The following STXBP3 variants were observed in gnomAD, a reference collection of about 807,000 sequenced individuals.
The protein encoded by STXBP3 is syntaxin binding protein 3, also known as syntaxin-binding protein 3.
A neutral mutation model predicts 85.7 loss-of-function variants in STXBP3; 41 were observed. The ratio of observed to expected loss-of-function variants is 0.48; its 90% confidence interval spans 0.37 to 0.62. STXBP3 has a LOEUF of 0.62. STXBP3 is among the 20% of genes least tolerant of loss of function. STXBP3 has a pLI of 0.00. For missense variants in STXBP3, 563 were observed against 703.1 expected, an observed-to-expected ratio of 0.80 and a Z score of 2.25; for synonymous variants, 229 against 231.7, an observed-to-expected ratio of 0.99 and a Z score of 0.10.
At chr1:108,781,939 G>A (rs1662721270) in intron 9 of STXBP3, 1 of 152,370 alleles carries the variant, frequency 6.6e-6, no homozygotes, top group East Asian at 1.9e-4. Context: ...TTGAACTCCT[G>A]ACCTCAAGTG....
rs762435455 is a variant in STXBP3, at chr1:108,772,623, C to T, written c.439-42C>T. ...ATATAAATATATATTTTTTTTAAAT[C>T]AGGTCTCCAGATTAACAGTGAGTTT... On this transcript the variant is annotated intron_variant, in intron 6 of 18. Coordinates refer to ENST00000370008, the MANE Select transcript of STXBP3 (RefSeq NM_007269.4). 5 of 1,271,706 alleles carry T rather than the reference C, an allele frequency of 3.9e-6. No individual in the cohort carries two copies. The African/African-American group carries it at 7.8e-5, about 20-fold the overall frequency. The allele number at this position is 1,271,706 out of a possible 1,614,324, so 78.8% of individuals were successfully genotyped here.
chr1:108,806,134 AAGCTAAAAATTTTTACCAGTGG>A (rs760052351), intron 17 of STXBP3, among the ~76,000 whole-genome samples: 3 of 151,300 alleles, frequency 2.0e-5, no homozygotes, highest in Non-Finnish European at 4.5e-5. Context: ...TTTCAAATAA[AAGCTAAAAATTTTTACCAGTGG>A]AGCTTGTGAA....
intron 11 of STXBP3, among the ~76,000 whole-genome samples, chr1:108,787,362 G>T (rs1662853581): frequency 6.6e-6 from 1 of 152,170 alleles, no homozygotes; most frequent in Non-Finnish European, 1.5e-5. Flanking sequence ...CCAAAGGAGA[G>T]AATACAGTCA....
In STXBP3 at chr1:108,782,713, G is replaced by A. The variant is rs974254933; in HGVS notation, c.963+7G>A. On this transcript the variant is annotated splice_region_variant and intron_variant, in intron 11 of 18. Transcript: ENST00000370008. ...GAAAGCAACAGAAGGAAAGGTAAGA[G>A]TCTTACTTAACTTTCAAAGTAATAG... is the stretch of plus-strand genomic sequence containing the variant. The A allele has an allele frequency of 6.9e-6, 11 of 1,591,078 alleles. No homozygotes were observed. Among genetic ancestry groups the A allele is most frequent in the Non-Finnish European group, 9.4e-6 (11 of 1,170,658 alleles).
chr1:108,758,595 C>CT lies in STXBP3; in HGVS notation c.337+11dup, dbSNP rs1662067397. The CT allele has an allele frequency of 4.8e-6, 7 of 1,454,014 alleles. No homozygotes were observed. The highest frequency in any genetic ancestry group is 6.5e-6 in the Non-Finnish European group (7 of 1,083,866). The allele number at this position is 1,454,014 out of a possible 1,614,324, so 90.1% of individuals were successfully genotyped here. On this transcript the variant is annotated splice_region_variant and intron_variant, in intron 5 of 18. Coordinates refer to ENST00000370008, the MANE Select transcript of STXBP3 (RefSeq NM_007269.4). Reference sequence around the variant, plus strand: ...TATATTTACTTCACTGACTGTAAGTCTTTTAAAAAGTTATTGCTTCATTGT... The same window carrying CT: ...TATATTTACTTCACTGACTGTAAGTCTTTTTAAAAAGTTATTGCTTCATTGT...
chr1:108,762,894 C>T (rs1371676913), intron 6 of STXBP3, among the ~76,000 whole-genome samples: 1 of 152,190 alleles, frequency 6.6e-6, no homozygotes, highest in Non-Finnish European at 1.5e-5. Flanking sequence ...CAAAATCCTC[C>T]AACTTAATTT....
chr1:108,792,099 C>A (rs1327299633), intron 11 of STXBP3, among the ~76,000 whole-genome samples: 1 of 152,184 alleles, frequency 6.6e-6, no homozygotes, highest in Non-Finnish European at 1.5e-5. Flanking sequence ...AAAATATTCA[C>A]CTTCTTCATA....
intron 11 of STXBP3, among the ~76,000 whole-genome samples, chr1:108,786,534 A>G (rs1238077514): frequency 6.6e-6 from 1 of 152,234 alleles, no homozygotes; most frequent in African/African-American, 2.4e-5. Context: ...AGCACTGTTT[A>G]TTGTAAAGAC....
At position 108,790,107 on chromosome 1, in the gene STXBP3, C is replaced by T. The variant is rs557732344; in HGVS notation, c.964-3475C>T. On this transcript the variant is annotated intron_variant, in intron 11 of 18. Transcript: ENST00000370008. The stretch of plus-strand genomic sequence containing the variant: ...TGTCAGTTAAATCAAGATGGTTAAT[C>T]ATGTTCAAATCTTCTATTTCTTTTC... Among the ~76,000 whole-genome samples, 5 of 151,612 alleles carry T rather than the reference C, an allele frequency of 3.3e-5. No homozygotes were observed. In the East Asian group the frequency reaches 5.8e-4, roughly 18 times the overall value.
Position 108,772,686 on chromosome 1 carries a change from G to C in STXBP3, c.460G>C (p.Asp154His). The change falls in exon 7 of 19, where the codon GAT becomes CAT. Residue 154 changes from aspartate to histidine, a missense_variant. Asp to His is a moderately conservative substitution (Grantham distance 81, BLOSUM62 -1). Around this residue, in one of 3 missense-constraint regions of STXBP3, gnomAD observed 494 missense variants for 592.8 expected, o/e 0.83. Transcript: ENST00000370008. ...ESQVYTLDVP[D>H]AFYYCYSPDP... The stretch of plus-strand genomic sequence containing the variant: ...TTAGGTGTATACTCTTGATGTACCA[G>C]ATGCATTCTATTACTGTTATAGTCC... The C allele has an allele frequency of 6.5e-7, 1 of 1,534,460 alleles. No individual in the cohort carries two copies. Among genetic ancestry groups the C allele is most frequent in the Non-Finnish European group, 8.8e-7 (1 of 1,136,208 alleles).
At chr1:108,788,682 T>C (rs1463850309) in intron 11 of STXBP3, among the ~76,000 whole-genome samples, 1 of 152,230 alleles carries the variant, frequency 6.6e-6, no homozygotes, top group African/African-American at 2.4e-5. Flanking sequence ...TGTCCTCTTA[T>C]CCTTTCAATA....
chr1:108,789,887 G>A (rs181291965), intron 11 of STXBP3, among the ~76,000 whole-genome samples: 5 of 149,978 alleles, frequency 3.3e-5, no homozygotes, highest in Admixed American at 2.0e-4. Flanking sequence ...CCAACATGGC[G>A]AAACCCCATC....
intron 17 of STXBP3, among the ~76,000 whole-genome samples, chr1:108,804,860 G>A (rs906847641): frequency 2.6e-5 from 4 of 152,152 alleles, no homozygotes; most frequent in Admixed American, 6.5e-5. Context: ...CCCAGGGCTC[G>A]GCCCCTTGTT....
intron 7 of STXBP3, 44 bp from the exon 8 acceptor site, chr1:108,776,289 C>A: frequency 7.5e-7 from 1 of 1,335,360 alleles, no homozygotes; most frequent in Non-Finnish European, 1.0e-6. Context: ...ATAAAGTATA[C>A]ACTGAAAGAA....
Position 108,756,766 on chromosome 1 carries a change from GGTGA to G in STXBP3, c.258+3_258+6del, listed in dbSNP as rs757054138. 7 of 1,584,350 alleles carry G rather than the reference GGTGA, an allele frequency of 4.4e-6. No homozygotes were observed. The highest frequency in any genetic ancestry group is 1.3e-5 in the African/African-American group (1 of 74,078). Reference sequence around the variant, plus strand: ...TTTATTTCATCACTCCGACATCAAAGGTGAGTATTTTGAGACCTTAAAAAGCAGG... The same window carrying G: ...TTTATTTCATCACTCCGACATCAAAGGTATTTTGAGACCTTAAAAAGCAGG... On this transcript the variant is annotated splice_donor_variant and splice_donor_region_variant and intron_variant, in intron 4 of 18. Transcript: ENST00000370008. LOFTEE classifies it high-confidence loss of function.
At chr1:108,751,609 CAT>C (rs1438672200) in intron 1 of STXBP3, among the ~76,000 whole-genome samples, 2 of 151,872 alleles carry the variant, frequency 1.3e-5, no homozygotes, top group African/African-American at 2.4e-5. Flanking sequence ...ATTAATAAAA[CAT>C]AGTGTGGGAA....
At chr1:108,807,608 G>C (rs2101141656) in intron 18 of STXBP3, 59 bp downstream of exon 18, 1 of 1,513,954 alleles carries the variant, frequency 6.6e-7, no homozygotes, top group Non-Finnish European at 8.9e-7. Flanking sequence ...CTAAGTCTCG[G>C]TCTTGTCCCC....
intron 8 of STXBP3, among the ~76,000 whole-genome samples, chr1:108,777,115 A>G (rs1331710550): frequency 1.3e-5 from 2 of 152,160 alleles, no homozygotes; most frequent in South Asian, 2.1e-4. Context: ...CCAGAGGCCT[A>G]GGAAGCCATA....
chr1:108,783,370 C>G (rs925931561), intron 11 of STXBP3, among the ~76,000 whole-genome samples: 11 of 152,196 alleles, frequency 7.2e-5, no homozygotes, highest in Non-Finnish European at 1.3e-4. Context: ...AATATTCCCT[C>G]TTGTCCTTTC....
Sources: gnomAD v4.1 joint callset for allele counts (sites outside exome capture counted in the v4.1 genomes callset) on GRCh38, gnomAD v4.1.1 for gene constraint, gnomAD v4.1.1 regional missense constraint, MANE v1.5 for transcripts, NCBI Gene and HGNC (gene_info 2026-07-23, HGNC 2026-07-21) for gene names.